The following DRC11 variants were observed in gnomAD, a reference collection of about 807,000 sequenced individuals.
The protein encoded by DRC11 is IQ and AAA domain-containing protein 1.
At chr2:236,456,261 T>C in the DRC11 span, among the ~76,000 whole-genome samples, 2 of 152,146 alleles carry the variant, frequency 1.3e-5, no homozygotes, top group Non-Finnish European at 2.9e-5. The surrounding 1 kb of genome is among the most constrained non-coding windows in gnomAD (Gnocchi z 5.4). Flanking sequence ...GTAGGTACTA[T>C]TACTACCCCT....
At chr2:236,364,295 C>CTTTTTTTT in the DRC11 span, among the ~76,000 whole-genome samples, 2 of 128,618 alleles carry the variant, frequency 1.6e-5, no homozygotes. Flanking sequence ...TTACCTCTGG[C>CTTTTTTTT]TTTTTTTTTT....
At chr2:236,383,027 A>G in the DRC11 span, among the ~76,000 whole-genome samples, 2 of 152,198 alleles carry the variant, frequency 1.3e-5, no homozygotes, top group African/African-American at 4.8e-5. Context: ...AATATTATCA[A>G]TAAAAACCCG....
chr2:236,428,012 T>A, the DRC11 span, among the ~76,000 whole-genome samples: 1 of 152,188 alleles, frequency 6.6e-6, no homozygotes, highest in East Asian at 1.9e-4. Context: ...TAGGAGCATG[T>A]TGTTAATTTC....
the DRC11 span, among the ~76,000 whole-genome samples, chr2:236,365,250 G>A: frequency 1.3e-5 from 2 of 152,028 alleles, no homozygotes; most frequent in African/African-American, 4.8e-5. The surrounding 1 kb of genome is among the most constrained non-coding windows in gnomAD (Gnocchi z 7.4). Flanking sequence ...GCCATAATGA[G>A]AACGGGAGGC....
At chr2:236,466,104 T>C in the DRC11 span, among the ~76,000 whole-genome samples, 1 of 152,152 alleles carries the variant, frequency 6.6e-6, no homozygotes, top group Non-Finnish European at 1.5e-5. Context: ...TTTTTTTTTC[T>C]TCCTTTCCTA....
chr2:236,446,114 C>T, the DRC11 span, among the ~76,000 whole-genome samples: 2 of 152,284 alleles, frequency 1.3e-5, no homozygotes, highest in African/African-American at 4.8e-5. The surrounding 1 kb of genome is among the most constrained non-coding windows in gnomAD (Gnocchi z 6.2). Flanking sequence ...TTCTCCCTCC[C>T]TCGATTTTCA....
the DRC11 span, among the ~76,000 whole-genome samples, chr2:236,366,721 G>A: frequency 1.4e-5 from 2 of 147,978 alleles, no homozygotes; most frequent in Non-Finnish European, 3.0e-5. Flanking sequence ...TTAGGGAGGC[G>A]TTCCCTTCCA....
the DRC11 span, among the ~76,000 whole-genome samples, chr2:236,421,886 T>C: frequency 6.6e-6 from 1 of 152,242 alleles, no homozygotes; most frequent in African/African-American, 2.4e-5. Flanking sequence ...ATCCCTGGGA[T>C]GCAAGGCTGG....
At chr2:236,497,406 T>C in the DRC11 span, 1 of 1,613,782 alleles carries the variant, frequency 6.2e-7, no homozygotes, top group East Asian at 2.2e-5. The surrounding 1 kb of genome is among the most constrained non-coding windows in gnomAD (Gnocchi z 5.1). Context: ...GATTTCTTTG[T>C]GGTTCAATCA....
At chr2:236,337,810 GA>G in the DRC11 span, among the ~76,000 whole-genome samples, 23,726 of 142,772 alleles carry the variant, frequency 0.17, 1,962 homozygotes, top group Middle Eastern at 0.23. The surrounding 1 kb of genome is among the most constrained non-coding windows in gnomAD (Gnocchi z 4.9). Context: ...GAGACTGGAA[GA>G]AAAAAAAAAA....
At chr2:236,358,605 G>A in the DRC11 span, among the ~76,000 whole-genome samples, 12 of 145,588 alleles carry the variant, frequency 8.2e-5, no homozygotes, top group Non-Finnish European at 7.6e-5. Context: ...TAAACCAGGG[G>A]ACAGCGGAGC....
At chr2:236,310,536 A>T in the DRC11 span, among the ~76,000 whole-genome samples, 6 of 152,220 alleles carry the variant, frequency 3.9e-5, no homozygotes, top group South Asian at 1.0e-3. This position sits in a 1 kb window ranked among gnomAD's most constrained non-coding sequence, Gnocchi z 5.5. Context: ...GAAAATAAAG[A>T]CTCTCTGCAT....
chr2:236,368,209 C>T, the DRC11 span: 7 of 1,607,240 alleles, frequency 4.4e-6, no homozygotes, highest in East Asian at 4.5e-5. Flanking sequence ...GGCCAGATTC[C>T]GTACAATGTG....
the DRC11 span, among the ~76,000 whole-genome samples, chr2:236,359,353 A>G: frequency 6.6e-6 from 1 of 152,124 alleles, no homozygotes; most frequent in Non-Finnish European, 1.5e-5. The surrounding 1 kb of genome is among the most constrained non-coding windows in gnomAD (Gnocchi z 4.3). Flanking sequence ...TCCAAACACA[A>G]TGATCACAAA....
the DRC11 span, among the ~76,000 whole-genome samples, chr2:236,366,540 T>G: frequency 6.6e-6 from 1 of 152,128 alleles, no homozygotes; most frequent in African/African-American, 2.4e-5. Context: ...CCCAGCCAGC[T>G]CTGCTCTCCG....
At chr2:236,456,491 C>T in the DRC11 span, among the ~76,000 whole-genome samples, 2 of 152,172 alleles carry the variant, frequency 1.3e-5, no homozygotes, top group African/African-American at 4.8e-5. The surrounding 1 kb of genome is among the most constrained non-coding windows in gnomAD (Gnocchi z 5.4). Flanking sequence ...CTGGTCTACA[C>T]CCTCAATCAG....
the DRC11 span, among the ~76,000 whole-genome samples, chr2:236,460,506 T>C: frequency 1.3e-5 from 2 of 152,214 alleles, no homozygotes; most frequent in Non-Finnish European, 2.9e-5. This position sits in a 1 kb window ranked among gnomAD's most constrained non-coding sequence, Gnocchi z 4.0. Flanking sequence ...ATTATACTCA[T>C]TGATGTTTCT....
At chr2:236,459,620 T>TAC in the DRC11 span, among the ~76,000 whole-genome samples, 4 of 138,970 alleles carry the variant, frequency 2.9e-5, no homozygotes, top group African/African-American at 1.1e-4. Context: ...TATATAAGTA[T>TAC]ATACATACGT....
chr2:236,416,753 AT>A, the DRC11 span, among the ~76,000 whole-genome samples: 17 of 79,214 alleles, frequency 2.1e-4, no homozygotes, highest in South Asian at 7.2e-4. Context: ...ATATATATAT[AT>A]ATATATATAT....
Sources: allele counts gnomAD v4.1 joint callset (sites outside exome capture counted in the v4.1 genomes callset), GRCh38; gene constraint gnomAD v4.1.1; non-coding constraint Gnocchi (gnomAD v3.1); transcripts MANE v1.5; gene names NCBI Gene and HGNC (gene_info 2026-07-23, HGNC 2026-07-21).